Variants in CASZ1 observed in about 807,000 individuals in gnomAD.
CASZ1 encodes castor zinc finger 1.
Under a neutral mutation model 135.2 loss-of-function variants are expected in CASZ1, and 28 were observed. The ratio of observed to expected loss-of-function variants is 0.21; its 90% CI spans 0.15 to 0.28. CASZ1 has a LOEUF of 0.28. Ranked by LOEUF, CASZ1 falls within the 10% of genes least tolerant of loss-of-function variation. The probability of loss-of-function intolerance (pLI) is 1.00; values close to 1 mark genes in which losing one functional copy is unlikely to be tolerated. For missense variants in CASZ1, 2,161 were observed against 2,453.3 expected (o/e 0.88, Z 2.52); for synonymous variants, 1,068 against 1,073.4 (o/e 0.99, Z 0.10).
intron 4 of CASZ1, among the ~76,000 whole-genome samples, chr1:10,689,514 G>A (rs557640269): frequency 6.6e-6 from 1 of 152,202 alleles, no homozygotes; most frequent in East Asian, 1.9e-4. Context: ...GGTTCTCCTC[G>A]CTGGTCCCTA....
At chr1:10,652,835 T>G (rs999345672) in intron 11 of CASZ1, 1 of 156,790 alleles carries the variant, frequency 6.4e-6, no homozygotes, top group African/African-American at 2.4e-5. Flanking sequence ...AGTCAAACAC[T>G]GCAGAATAGA....
rs1206026128 is a variant in CASZ1 at position 10,639,943 on chromosome 1, C to T, written c.4279G>A (p.Glu1427Lys). 1 of 1,612,832 alleles carries T rather than the reference C, an allele frequency of 6.2e-7. No individual in the cohort carries two copies. Among genetic ancestry groups the T allele is most frequent in the Admixed American group, 1.7e-5 (1 of 60,002 alleles). The change falls in exon 21 of 21, where the codon GAG becomes AAG. Residue 1427 changes from glutamate to lysine, a missense_variant. This residue lies in a region of CASZ1 where 143 missense variants were observed against 128.3 expected (regional missense o/e 1.11). Transcript: ENST00000377022. This position sits in a 1 kb window ranked among gnomAD's most constrained non-coding sequence, Gnocchi z 4.0. ...KTASSRKMLD[E>K]GMMLEGFRRF... ...CGGAAGCCCTCCAGCATCATGCCCT[C>T]GTCCAGCATCTTCCGGGAGGACGCC...
At chr1:10,695,963 G>C (rs916929982) in intron 3 of CASZ1, among the ~76,000 whole-genome samples, 2 of 152,170 alleles carry the variant, frequency 1.3e-5, no homozygotes, top group African/African-American at 4.8e-5. Context: ...TCCTCTTTCA[G>C]GAGGGGCCAC....
Position 10,639,098 on chromosome 1 carries a change from C to CTCGTCGTCGTCCTCGTCG in CASZ1, c.5106_5123dup (p.Asp1702_Asp1707dup), listed in dbSNP as rs1553123320. The CTCGTCGTCGTCCTCGTCG allele has an allele frequency of 2.7e-6, 3 of 1,119,720 alleles. No individual in the cohort carries two copies. The East Asian group carries it at 1.9e-4, about 71-fold the overall frequency. 69.4% of individuals were successfully genotyped at this position (1,119,720 alleles called of 1,614,324 possible). On this transcript the variant is annotated inframe_insertion, in exon 21 of 21. Coordinates refer to ENST00000377022, the MANE Select transcript of CASZ1 (RefSeq NM_001079843.3). This position sits in a 1 kb window ranked among gnomAD's most constrained non-coding sequence, Gnocchi z 4.0. ...TGCGCAGGTCCTCGTCGTCGTCGTC[C>CTCGTCGTCGTCCTCGTCG]TCGTCGTCGTCCTCGTCGTCGTCGT...
intron 1 of CASZ1, among the ~76,000 whole-genome samples, chr1:10,779,439 G>A (rs902028594): frequency 7.2e-5 from 11 of 152,096 alleles, no homozygotes; most frequent in Non-Finnish European, 4.4e-5. Context: ...TGAGCTCAGC[G>A]CCCTGCGGGG....
chr1:10,771,331 A>G (rs1315170918), intron 1 of CASZ1, among the ~76,000 whole-genome samples: 2 of 151,996 alleles, frequency 1.3e-5, no homozygotes, highest in Non-Finnish European at 2.9e-5. Flanking sequence ...TATTATTATT[A>G]TTATGGATTT....
At chr1:10,731,188 T>A (rs1639696363) in intron 2 of CASZ1, among the ~76,000 whole-genome samples, 1 of 152,200 alleles carries the variant, frequency 6.6e-6, no homozygotes, top group South Asian at 2.1e-4. Context: ...ACATAACTGA[T>A]GTGTGAGGTT....
In CASZ1 at chr1:10,660,071, T is replaced by G. The variant is rs1177751257; in HGVS notation, c.971A>C (p.Asn324Thr). The G allele has an allele frequency of 6.2e-7, 1 of 1,614,066 alleles. No individual in the cohort carries two copies. Among genetic ancestry groups the G allele is most frequent in the African/African-American group, 1.3e-5 (1 of 74,924 alleles). The change falls in exon 6 of 21, where the codon AAT becomes ACT. Residue 324 changes from asparagine to threonine, a missense_variant. This residue lies in a region of CASZ1 where 590 missense variants were observed against 609.8 expected (regional missense o/e 0.97). Coordinates refer to ENST00000377022, the MANE Select transcript of CASZ1 (RefSeq NM_001079843.3). Reference protein sequence around the residue: ...FFIQKLKTGENLRPQNGSTYK... With the variant: ...FFIQKLKTGETLRPQNGSTYK... ...GGTGCTCCCGTTCTGGGGCCGCAGA[T>G]TCTCGCCGGTCTTCAGTTTTTGGAT...
Position 10,709,112 on chromosome 1 carries a change from C to T in CASZ1, c.-76-3568G>A, listed in dbSNP as rs765660443. On this transcript the variant is annotated intron_variant, in intron 2 of 20. Coordinates refer to ENST00000377022, the MANE Select transcript of CASZ1 (RefSeq NM_001079843.3). This position sits in a 1 kb window ranked among gnomAD's most constrained non-coding sequence, Gnocchi z 5.1. ...ATCTGCAGTTCCCTCTTGCTGGAGC[C>T]GCTGCTGGTCCAGGACTTGGCTTTG... is the stretch of plus-strand genomic sequence containing the variant. Among the ~76,000 whole-genome samples, 3 of 152,154 alleles carry T rather than the reference C, an allele frequency of 2.0e-5. No individual in the cohort carries two copies. Among genetic ancestry groups the T allele is most frequent in the African/African-American group, 7.2e-5 (3 of 41,420 alleles).
At position 10,731,662 on chromosome 1, in the gene CASZ1, A is replaced by C. The variant is rs74052179; in HGVS notation, c.-76-26118T>G. On this transcript the variant is annotated intron_variant, in intron 2 of 20. Transcript: ENST00000377022. ...GTGGGGTTTACTGAAACAGTACACA[A>C]AGTTCATTGATGTGGTTTCAGATTC... 2.6e-5 allele frequency among the ~76,000 whole-genome samples: 4 copies of C among 152,188 alleles called. No individual in the cohort carries two copies. The East Asian group carries it at 7.7e-4, about 29-fold the overall frequency.
chr1:10,783,805 G>A (rs1009788425), intron 1 of CASZ1, among the ~76,000 whole-genome samples: 2 of 146,746 alleles, frequency 1.4e-5, no homozygotes, highest in African/African-American at 5.0e-5. Flanking sequence ...CCGGGAGGCG[G>A]AGGTTGCAGC....
rs200474703 is a variant in CASZ1 at position 10,700,036 on chromosome 1, CAG to C, written c.-24+5454_-24+5455del. Among the ~76,000 whole-genome samples, 11 of 138,446 alleles carry C rather than the reference CAG, an allele frequency of 7.9e-5. No individual in the cohort carries two copies. The highest frequency in any genetic ancestry group is 1.2e-4 in the Non-Finnish European group (8 of 64,214). The allele number at this position is 138,446 out of a possible 152,430, so 90.8% of individuals were successfully genotyped here. On this transcript the variant is annotated intron_variant, in intron 3 of 20. Coordinates refer to ENST00000377022, the MANE Select transcript of CASZ1 (RefSeq NM_001079843.3). The surrounding 1 kb of genome is among the most constrained non-coding windows in gnomAD (Gnocchi z 4.2). ...AGAGACAGAGAAAGAGAGAGAGAGA[CAG>C]AGAGAGAGAGAAAGAGAGACAGAGA...
rs140215862 is a variant in CASZ1 at position 10,640,031 on chromosome 1, C to T, written c.4191G>A (p.Ser1397=). 818 of 1,609,526 alleles carry T rather than the reference C, an allele frequency of 5.1e-4. 5 individuals carry two copies. In the African/African-American group the frequency reaches 9.6e-3, roughly 19 times the overall value. The change falls in exon 21 of 21, where the codon TCG becomes TCA. Residue 1397 remains serine (S), a synonymous_variant. Transcript: ENST00000377022. ...TGATCCAGAAGCGCTTTTTGGCCCC[C>T]GAGGCTGTCGGCATAGAGATGGTGT... ...AGNTISMPTA[S]GAKKRFWIIE...
chr1:10,787,667 G>C (rs1019701255), intron 1 of CASZ1, among the ~76,000 whole-genome samples: 1 of 151,674 alleles, frequency 6.6e-6, no homozygotes, highest in African/African-American at 2.4e-5. Context: ...ACACACACAC[G>C]CATACACACA....
Position 10,642,853 on chromosome 1 carries a change from G to A in CASZ1, c.4162+6C>T, listed in dbSNP as rs763627573. On this transcript the variant is annotated splice_donor_region_variant and intron_variant, in intron 20 of 20. Transcript: ENST00000377022. ...GCCCTGCCAGCAGCCCCTGCCTGCCGCTCACCTGCCGCGGTGCTCTCGTTA... is the reference window on the plus strand; with the variant it reads ...GCCCTGCCAGCAGCCCCTGCCTGCCACTCACCTGCCGCGGTGCTCTCGTTA... 7 of 1,611,264 alleles carry A rather than the reference G, an allele frequency of 4.3e-6. No homozygotes were observed. Among genetic ancestry groups the A allele is most frequent in the South Asian group, 1.1e-5 (1 of 90,926 alleles).
chr1:10,647,388 G>T lies in CASZ1; in HGVS notation c.3497+413C>A. Reference sequence around the variant, plus strand: ...GCCTGGAGGGGCCTGGCCCCTACCCGTGACTTCACGTGCCCTGCAGAGATT... The same window carrying T: ...GCCTGGAGGGGCCTGGCCCCTACCCTTGACTTCACGTGCCCTGCAGAGATT... On this transcript the variant is annotated intron_variant, in intron 16 of 20. Coordinates refer to ENST00000377022, the MANE Select transcript of CASZ1 (RefSeq NM_001079843.3). The surrounding 1 kb of genome is among the most constrained non-coding windows in gnomAD (Gnocchi z 4.9). 2.8e-6 allele frequency: 3 copies of T among 1,071,792 alleles called. No homozygotes were observed. Among genetic ancestry groups the T allele is most frequent in the Non-Finnish European group, 3.4e-6 (3 of 882,726 alleles). The allele number at this position is 1,071,792 out of a possible 1,614,324, so 66.4% of individuals were successfully genotyped here. A position where few individuals can be genotyped will look rare whatever the true frequency, so the allele number is the denominator to read the frequency against.
intron 2 of CASZ1, among the ~76,000 whole-genome samples, chr1:10,731,790 A>G (rs1410008985): frequency 6.6e-6 from 1 of 152,180 alleles, no homozygotes; most frequent in South Asian, 2.1e-4. Context: ...GATTTTCTTC[A>G]TAGACTTCAA....
chr1:10,653,660 C>G lies in CASZ1; in HGVS notation c.2397G>C (p.Thr799=). The G allele has an allele frequency of 1.3e-6, 2 of 1,554,842 alleles. No homozygotes were observed. Among genetic ancestry groups the G allele is most frequent in the Non-Finnish European group, 1.7e-6 (2 of 1,150,390 alleles). ...ALSNSGLPTP[T]PYFPILAGRG... is the part of the protein sequence containing the mutation. ...GGCCAGCCAGTATGGGGAAGTAGGG[C>G]GTGGGGGTGGGCAGGCCCGAGTTGG... The change falls in exon 11 of 21, where the codon ACG becomes ACC. Residue 799 remains threonine, a synonymous_variant. Coordinates refer to ENST00000377022, the MANE Select transcript of CASZ1 (RefSeq NM_001079843.3).
intron 11 of CASZ1, chr1:10,652,828 C>G (rs1415028429): frequency 6.5e-6 from 1 of 153,400 alleles, no homozygotes; most frequent in Non-Finnish European, 1.5e-5. Flanking sequence ...GCTGCCAAGT[C>G]AAACACTGCA....
Sources: allele counts gnomAD v4.1 joint callset (sites outside exome capture counted in the v4.1 genomes callset), GRCh38; gene constraint gnomAD v4.1.1; regional missense constraint gnomAD v4.1.1; non-coding constraint Gnocchi (gnomAD v3.1); transcripts MANE v1.5; gene names NCBI Gene and HGNC (gene_info 2026-07-23, HGNC 2026-07-21).